The following HCN1 variants were observed in gnomAD, a reference collection of about 807,000 sequenced individuals.
HCN1 encodes hyperpolarization activated cyclic nucleotide gated potassium channel 1.
A neutral mutation model predicts 78.9 loss-of-function variants in HCN1; 13 were observed. The observed-to-expected ratio is 0.16, with a 90% confidence interval of 0.11 to 0.26. The LOEUF is 0.26. Ranked by LOEUF, HCN1 falls within the 10% of genes least tolerant of loss-of-function variation. HCN1 has a pLI of 1.00. For synonymous variants in HCN1, 552 were observed against 455.5 expected (o/e 1.21, Z -2.70); for missense variants, 810 against 1,154.3 (o/e 0.70, Z 4.32).
intron 2 of HCN1, among the ~76,000 whole-genome samples, chr5:45,483,870 T>C (rs2111681504): frequency 6.6e-6 from 1 of 152,294 alleles, no homozygotes. Flanking sequence ...ATATACTGAA[T>C]GGGGAGTCTT....
intron 2 of HCN1, among the ~76,000 whole-genome samples, chr5:45,585,102 T>TG (rs571491459): frequency 2.6e-5 from 4 of 152,212 alleles, no homozygotes; most frequent in Non-Finnish European, 4.4e-5. Context: ...GAAGTTCTCC[T>TG]GATAATATCC....
rs115195430 is a variant in HCN1, at chr5:45,366,963, C to T, written c.1231-13717G>A. Reference sequence around the variant, plus strand: ...ATAAATATTAAGAAGATTTAGTCAACATCTATGTTTCAGATCCAAGTATTG... The same window carrying T: ...ATAAATATTAAGAAGATTTAGTCAATATCTATGTTTCAGATCCAAGTATTG... On this transcript the variant is annotated intron_variant, in intron 4 of 7. Transcript: ENST00000303230. Among the ~76,000 whole-genome samples the T allele has an allele frequency of 2.1e-3, 321 of 151,836 alleles. 2 individuals are homozygous for T. Among genetic ancestry groups the T allele is most frequent in the African/African-American group, 7.6e-3 (315 of 41,526 alleles).
intron 4 of HCN1, among the ~76,000 whole-genome samples, chr5:45,393,247 T>C (rs1238042040): frequency 2.6e-5 from 4 of 152,222 alleles, no homozygotes; most frequent in Non-Finnish European, 4.4e-5. Context: ...TCATGATTTA[T>C]ATTGTGCCAA....
chr5:45,628,769 C>T (rs7737105), intron 2 of HCN1, among the ~76,000 whole-genome samples: 4,981 of 151,888 alleles, frequency 0.033, 260 homozygotes, highest in African/African-American at 0.11. Flanking sequence ...GTCAGGAGTT[C>T]GAGACCAGCC....
At chr5:45,678,367 T>C (rs889125500) in intron 1 of HCN1, among the ~76,000 whole-genome samples, 1 of 151,956 alleles carries the variant, frequency 6.6e-6, no homozygotes, top group African/African-American at 2.4e-5. Flanking sequence ...CAAAGTCTAA[T>C]AACAACTCTC....
chr5:45,295,629 T>G (rs1166880893), intron 6 of HCN1, among the ~76,000 whole-genome samples: 1 of 152,046 alleles, frequency 6.6e-6, no homozygotes, highest in Non-Finnish European at 1.5e-5. Flanking sequence ...CTTTTGAGTT[T>G]GATCTTTCTT....
chr5:45,297,618 G>T (rs1745525811), intron 6 of HCN1, among the ~76,000 whole-genome samples: 1 of 152,034 alleles, frequency 6.6e-6, no homozygotes, highest in African/African-American at 2.4e-5. Flanking sequence ...ATTCTATGAA[G>T]TGAGAATCAG....
At chr5:45,352,567 G>C (rs1334550695) in intron 5 of HCN1, among the ~76,000 whole-genome samples, 11 of 151,880 alleles carry the variant, frequency 7.2e-5, no homozygotes, top group Non-Finnish European at 5.9e-5. Flanking sequence ...CCAAGAGCAA[G>C]TTATTTTGGT....
At chr5:45,344,320 G>A (rs775625227) in intron 5 of HCN1, among the ~76,000 whole-genome samples, 17 of 152,014 alleles carry the variant, frequency 1.1e-4, no homozygotes, top group Non-Finnish European at 2.1e-4. Context: ...ATTTGGGTGG[G>A]AACAGAGCCA....
intron 2 of HCN1, among the ~76,000 whole-genome samples, chr5:45,467,703 G>A (rs1432159416): frequency 6.6e-6 from 1 of 151,870 alleles, no homozygotes. Flanking sequence ...CAAAGCCCAT[G>A]ACTATCTTCT....
chr5:45,651,400 T>C (rs1745672556), intron 1 of HCN1, among the ~76,000 whole-genome samples: 1 of 152,008 alleles, frequency 6.6e-6, no homozygotes, highest in African/African-American at 2.4e-5. Flanking sequence ...TTTGGACCAT[T>C]GCATTTAGAA....
At chr5:45,503,013 TAAAC>T (rs1235354897) in intron 2 of HCN1, among the ~76,000 whole-genome samples, 2 of 152,172 alleles carry the variant, frequency 1.3e-5, no homozygotes, top group African/African-American at 4.8e-5. Context: ...TTAAAGTGAA[TAAAC>T]AAATAAATTA....
intron 4 of HCN1, among the ~76,000 whole-genome samples, chr5:45,371,464 A>T (rs1443465042): frequency 6.6e-6 from 1 of 151,932 alleles, no homozygotes; most frequent in Non-Finnish European, 1.5e-5. Context: ...AACCCACTGA[A>T]ATACAAAATC....
At chr5:45,468,458 T>A (rs915308566) in intron 2 of HCN1, among the ~76,000 whole-genome samples, 23 of 152,002 alleles carry the variant, frequency 1.5e-4, no homozygotes, top group African/African-American at 5.3e-4. Flanking sequence ...TTCAGTTATT[T>A]TTTAGAAACC....
At chr5:45,337,024 A>T (rs1042435616) in intron 5 of HCN1, among the ~76,000 whole-genome samples, 4 of 152,030 alleles carry the variant, frequency 2.6e-5, no homozygotes, top group African/African-American at 9.7e-5. Context: ...GTAGCAATAT[A>T]AAAGAAAAAC....
chr5:45,574,713 G>C (rs1285069383), intron 2 of HCN1: 2 of 152,174 alleles, frequency 1.3e-5, no homozygotes, highest in East Asian at 3.9e-4. Flanking sequence ...TAGCCAAGTT[G>C]TGAATGCAAA....
chr5:45,301,447 G>A (rs866041484), intron 6 of HCN1, among the ~76,000 whole-genome samples: 11 of 151,210 alleles, frequency 7.3e-5, no homozygotes, highest in Non-Finnish European at 1.3e-4. Context: ...AGTCAGGTGC[G>A]GTGGCTCATT....
At chr5:45,571,140 T>C (rs1305078961) in intron 2 of HCN1, among the ~76,000 whole-genome samples, 1 of 152,136 alleles carries the variant, frequency 6.6e-6, no homozygotes, top group Non-Finnish European at 1.5e-5. Flanking sequence ...GCAGGCATAA[T>C]AGATTGTCCC....
At chr5:45,324,010 G>A (rs561261912) in intron 5 of HCN1, among the ~76,000 whole-genome samples, 26 of 151,938 alleles carry the variant, frequency 1.7e-4, no homozygotes, top group South Asian at 1.5e-3. Context: ...GAATAGTGCC[G>A]CAATAAACAT....
Sources: allele counts gnomAD v4.1 joint callset (sites outside exome capture counted in the v4.1 genomes callset), GRCh38; gene constraint gnomAD v4.1.1; transcripts MANE v1.5; gene names NCBI Gene and HGNC (gene_info 2026-07-23, HGNC 2026-07-21).